ZNF672: variants seen among roughly 807,000 people sequenced by gnomAD.
ZNF672 encodes the protein zinc finger protein 672, also known as hypothetical protein FLJ22301.
For missense variants in ZNF672, 733 were observed against 701.1 expected, an observed-to-expected ratio of 1.05 and a Z score of -0.51; for synonymous variants, 358 against 305.6, an observed-to-expected ratio of 1.17 and a Z score of -1.79.
chr1:248,840,763 T>C (rs1664662588), intron 1 of ZNF672, among the ~76,000 whole-genome samples: 1 of 151,502 alleles, frequency 6.6e-6, no homozygotes, highest in South Asian at 2.1e-4. Context: ...GTAGTCATAG[T>C]ATTTGTATGT....
Position 248,847,903 on chromosome 1 carries a change from A to C in ZNF672, c.629A>C (p.Lys210Thr). ...GGCGTGTGCGGCAAGTGCTTTGGCA[A>C]GAGCTCTACGCTGACGCGACACCTG... ...QCGVCGKCFG[K>T]SSTLTRHLQT... Residue 210 changes from lysine (K) to threonine (T), a missense_variant, in exon 4 of 4, where the codon AAG becomes ACG. By Grantham distance (78) the Lys-to-Thr change is moderately conservative. Coordinates refer to ENST00000306562, the MANE Select transcript of ZNF672 (RefSeq NM_024836.3). 1.3e-6 allele frequency: 2 copies of C among 1,588,108 alleles called. No homozygotes were observed. The highest frequency in any genetic ancestry group is 2.3e-5 in the South Asian group (2 of 88,780).
rs756941752 is a variant in ZNF672, at chr1:248,848,311, A to G, written c.1037A>G (p.Lys346Arg). Residue 346 changes from lysine to arginine, a missense_variant, in exon 4 of 4, where the codon AAG (lysine) becomes AGG (arginine). Lys to Arg is a conservative substitution (Grantham distance 26). Coordinates refer to ENST00000306562, the MANE Select transcript of ZNF672 (RefSeq NM_024836.3). ...CCCTACCGCTGCGAACTGTGCGGCA[A>G]GCGGTTCACGTGCGTGTCCAATCTC... ...EKPYRCELCG[K>R]RFTCVSNLNV... The G allele has an allele frequency of 2.6e-5, 42 of 1,602,128 alleles. No individual in the cohort carries two copies. Among genetic ancestry groups the G allele is most frequent in the Non-Finnish European group, 3.4e-5 (40 of 1,179,688 alleles).
chr1:248,848,825 CT>C lies in ZNF672; in HGVS notation c.*196del. ...CTCTACACCTACTACCCTGTCGGCCCTTTTGCCATGCTGTCCTCGTATAACT... is the reference window on the plus strand; with the variant it reads ...CTCTACACCTACTACCCTGTCGGCCCTTTGCCATGCTGTCCTCGTATAACT... On this transcript the variant is annotated 3_prime_UTR_variant, in exon 4 of 4. Transcript: ENST00000306562. 2.3e-6 allele frequency: 2 copies of C among 863,352 alleles called. No homozygotes were observed. Among genetic ancestry groups the C allele is most frequent in the Non-Finnish European group, 3.8e-6 (2 of 519,888 alleles). 53.5% of individuals were successfully genotyped at this position (863,352 alleles called of 1,614,324 possible).
At chr1:248,840,159 G>T (rs1454239476) in intron 1 of ZNF672, among the ~76,000 whole-genome samples, 1 of 151,908 alleles carries the variant, frequency 6.6e-6, no homozygotes, top group African/African-American at 2.4e-5. Flanking sequence ...GCACTATCTC[G>T]GCTCACTGCA....
rs1456608141 is a variant in ZNF672, at chr1:248,844,628, A to G, written c.-329A>G. The stretch of plus-strand genomic sequence containing the variant: ...GTGTCCTACTCCGCATCCGTAATGG[A>G]AGGAAATGGTATTGTTGTTTATATG... On this transcript the variant is annotated 5_prime_UTR_variant, in exon 2 of 4. Transcript: ENST00000306562. 2 of 152,202 alleles carry G rather than the reference A, an allele frequency of 1.3e-5. No individual in the cohort carries two copies. Among genetic ancestry groups the G allele is most frequent in the African/African-American group, 4.8e-5 (2 of 41,454 alleles). 9.4% of individuals were successfully genotyped at this position (152,202 alleles called of 1,614,324 possible).
Position 248,849,266 on chromosome 1 carries a change from A to T in ZNF672, c.*633A>T, listed in dbSNP as rs1424180506. On this transcript the variant is annotated 3_prime_UTR_variant, in exon 4 of 4. Coordinates refer to ENST00000306562, the MANE Select transcript of ZNF672 (RefSeq NM_024836.3). Reference sequence around the variant, plus strand: ...CGTGAAGGTGGGCAGGGCCCTTAGCATGGCCACACATGTCCCCAGGGCAGA... The same window carrying T: ...CGTGAAGGTGGGCAGGGCCCTTAGCTTGGCCACACATGTCCCCAGGGCAGA... 2 of 385,810 alleles carry T rather than the reference A, an allele frequency of 5.2e-6. No individual in the cohort carries two copies. Among genetic ancestry groups the T allele is most frequent in the Non-Finnish European group, 1.0e-5 (2 of 191,062 alleles). The allele number at this position is 385,810 out of a possible 1,614,324, so 23.9% of individuals were successfully genotyped here.
At chr1:248,846,300 T>C (rs1418715408) in intron 3 of ZNF672, among the ~76,000 whole-genome samples, 6 of 152,254 alleles carry the variant, frequency 3.9e-5, no homozygotes, top group Non-Finnish European at 8.8e-5. Flanking sequence ...AAAGTGTTCT[T>C]GGATAATGCC....
At chr1:248,840,721 C>T (rs1331461148) in intron 1 of ZNF672, among the ~76,000 whole-genome samples, 1 of 151,114 alleles carries the variant, frequency 6.6e-6, no homozygotes, top group Admixed American at 6.6e-5. Flanking sequence ...TTTGTATATG[C>T]AGTGGGTAGT....
intron 3 of ZNF672, among the ~76,000 whole-genome samples, chr1:248,846,689 C>T (rs537432792): frequency 1.3e-5 from 2 of 152,294 alleles, no homozygotes; most frequent in South Asian, 4.1e-4. Context: ...TCTCACTGCC[C>T]CATCCTGCCT....
At chr1:248,840,164 A>T (rs973443131) in intron 1 of ZNF672, among the ~76,000 whole-genome samples, 3 of 151,758 alleles carry the variant, frequency 2.0e-5, no homozygotes, top group Non-Finnish European at 4.4e-5. Context: ...ATCTCGGCTC[A>T]CTGCAACCTC....
At position 248,847,258 on chromosome 1, in the gene ZNF672, G is replaced by C. The variant is rs201112301; in HGVS notation, c.-17G>C. ...CAGAGTGTGAGTGGCACGCTTCCCTGTGAACCCGTCCTCACCATGTTTGCC... is the reference window on the plus strand; with the variant it reads ...CAGAGTGTGAGTGGCACGCTTCCCTCTGAACCCGTCCTCACCATGTTTGCC... On this transcript the variant is annotated 5_prime_UTR_variant, in exon 4 of 4. Coordinates refer to ENST00000306562, the MANE Select transcript of ZNF672 (RefSeq NM_024836.3). 2 of 1,591,454 alleles carry C rather than the reference G, an allele frequency of 1.3e-6. No homozygotes were observed. Among genetic ancestry groups the C allele is most frequent in the South Asian group, 2.2e-5 (2 of 90,364 alleles).
chr1:248,846,343 C>G (rs972043312), intron 3 of ZNF672, among the ~76,000 whole-genome samples: 5 of 152,174 alleles, frequency 3.3e-5, no homozygotes, highest in Non-Finnish European at 7.4e-5. Context: ...TGTGAATTAT[C>G]TATGCTCCCG....
chr1:248,845,862 C>G (rs1664750433), intron 3 of ZNF672, among the ~76,000 whole-genome samples, 200 bp downstream of exon 3: 1 of 152,218 alleles, frequency 6.6e-6, no homozygotes, highest in Non-Finnish European at 1.5e-5. Flanking sequence ...TAGACCTAAT[C>G]TCCAGTAAGG....
chr1:248,847,761 C>A lies in ZNF672; in HGVS notation c.487C>A (p.His163Asn). 1 of 1,499,068 alleles carries A rather than the reference C, an allele frequency of 6.7e-7. No individual in the cohort carries two copies. The highest frequency in any genetic ancestry group is 8.9e-7 in the Non-Finnish European group (1 of 1,125,048). 92.9% of individuals were successfully genotyped at this position (1,499,068 alleles called of 1,614,324 possible). A position where few individuals can be genotyped will look rare whatever the true frequency, so the allele number is the denominator to read the frequency against. The change falls in exon 4 of 4, where the codon CAC becomes AAC. Residue 163 changes from histidine to asparagine, a missense_variant. Coordinates refer to ENST00000306562, the MANE Select transcript of ZNF672 (RefSeq NM_024836.3). Reference protein sequence around the residue: ...GTTSDPAAPPHRCAQCPRAFR... With the variant: ...GTTSDPAAPPNRCAQCPRAFR... Reference sequence around the variant, plus strand: ...AACCTCTGACCCTGCTGCCCCACCCCACCGCTGCGCGCAGTGCCCGCGAGC... The same window carrying A: ...AACCTCTGACCCTGCTGCCCCACCCAACCGCTGCGCGCAGTGCCCGCGAGC...
Position 248,848,385 on chromosome 1 carries a change from G to T in ZNF672, c.1111G>T (p.Glu371Ter), listed in dbSNP as rs766659773. Residue 371 changes from glutamate to a stop codon, truncating the protein, a stop_gained, in exon 4 of 4, where the codon GAG (glutamate) becomes TAG (stop). Coordinates refer to ENST00000306562, the MANE Select transcript of ZNF672 (RefSeq NM_024836.3). LOFTEE classifies it low-confidence loss of function (END_TRUNC). ...CGGCCACAAGCCACACAAATGCCCCGAGTGCAGCAAGGCCTTCAGCGTCGC... is the reference window on the plus strand; with the variant it reads ...CGGCCACAAGCCACACAAATGCCCCTAGTGCAGCAAGGCCTTCAGCGTCGC... The part of the protein sequence containing the change: ...HAGHKPHKCP[E>*]CSKAFSVASK... 1 of 1,603,334 alleles carries T rather than the reference G, an allele frequency of 6.2e-7. No individual in the cohort carries two copies. Among genetic ancestry groups the T allele is most frequent in the South Asian group, 1.1e-5 (1 of 91,086 alleles).
Position 248,849,056 on chromosome 1 carries a change from T to A in ZNF672, c.*423T>A. 1 of 485,760 alleles carries A rather than the reference T, an allele frequency of 2.1e-6. No individual in the cohort carries two copies. Among genetic ancestry groups the A allele is most frequent in the Non-Finnish European group, 4.2e-6 (1 of 237,022 alleles). The allele number at this position is 485,760 out of a possible 1,614,324, so 30.1% of individuals were successfully genotyped here. ...TCCTGATTACTTTTGTTGTCCTGCC[T>A]CTTCAGGTAATGGTCACAGATTTGG... On this transcript the variant is annotated 3_prime_UTR_variant, in exon 4 of 4. Transcript: ENST00000306562.
At chr1:248,844,856 C>T (rs1367151969) in intron 2 of ZNF672, among the ~76,000 whole-genome samples, 1 of 152,178 alleles carries the variant, frequency 6.6e-6, no homozygotes, top group African/African-American at 2.4e-5. Context: ...ACTGAGTCTC[C>T]AGGAAGTTTT....
intron 3 of ZNF672, 116 bp downstream of exon 3, chr1:248,845,778 G>C (rs1664748549): frequency 6.6e-6 from 1 of 152,220 alleles, no homozygotes; most frequent in Non-Finnish European, 1.5e-5. Flanking sequence ...TAAGAAGAAA[G>C]TGACAGCTGA....
intron 1 of ZNF672, among the ~76,000 whole-genome samples, chr1:248,841,410 G>A (rs1177835808): frequency 3.3e-5 from 5 of 152,160 alleles, no homozygotes; most frequent in Admixed American, 3.3e-4. Flanking sequence ...CTCCCACTAT[G>A]TATGTTCTCT....
Sources: gnomAD v4.1 joint callset for allele counts (sites outside exome capture counted in the v4.1 genomes callset) on GRCh38, gnomAD v4.1.1 for gene constraint, MANE v1.5 for transcripts, NCBI Gene and HGNC (gene_info 2026-07-23, HGNC 2026-07-21) for gene names.